HELZ: variants seen among roughly 807,000 people sequenced by gnomAD.
HELZ encodes the protein helicase with zinc finger.
HELZ carries 23 observed loss-of-function variants against 218.2 expected under a neutral mutation model. The observed-to-expected ratio is 0.11, with a 90% confidence interval of 0.08 to 0.15. HELZ has a LOEUF of 0.15. HELZ is among the 10% of genes least tolerant of loss of function. HELZ has a pLI of 1.00. For missense variants in HELZ, 1,813 were observed against 2,353.7 expected, an observed-to-expected ratio of 0.77 and a Z score of 4.75; for synonymous variants, 814 against 829.4, an observed-to-expected ratio of 0.98 and a Z score of 0.32.
chr17:67,140,160 G>A (rs1363300865), intron 21 of HELZ, among the ~76,000 whole-genome samples: 1 of 152,194 alleles, frequency 6.6e-6, no homozygotes, highest in East Asian at 1.9e-4. Context: ...CTTGGTAGCG[G>A]CACCAGCTGG....
intron 12 of HELZ, among the ~76,000 whole-genome samples, chr17:67,185,449 A>T (rs1358997634): frequency 6.6e-6 from 1 of 152,324 alleles, no homozygotes; most frequent in East Asian, 1.9e-4. Context: ...CGCAATAAAA[A>T]TTTCAAGAGT....
At chr17:67,203,522 C>T (rs1455827805) in intron 5 of HELZ, 79 bp from the exon 6 acceptor site, 3 of 1,518,438 alleles carry the variant, frequency 2.0e-6, no homozygotes, top group Admixed American at 1.9e-5. Context: ...AACACACTAT[C>T]ACAAGCGTGG....
Position 67,077,719 on chromosome 17 carries a change from C to CAAA in HELZ, c.*530_*532dup, listed in dbSNP as rs57572316. The stretch of plus-strand genomic sequence containing the variant: ...GTTTTAGAATGCAGCATCGTGTCAC[C>CAAA]AAAAAAAAAAAAAAAGCTGATAAAA... On this transcript the variant is annotated 3_prime_UTR_variant, in exon 33 of 33. Transcript: ENST00000358691. The CAAA allele has an allele frequency of 0.19, 24,782 of 131,550 alleles. 2,577 individuals are homozygous for CAAA. The highest frequency in any genetic ancestry group is 0.23 in the Non-Finnish European group (14,139 of 61,050). 8.1% of individuals were successfully genotyped at this position (131,550 alleles called of 1,614,324 possible).
At position 67,076,130 on chromosome 17, in the gene HELZ, T is replaced by C. The variant is rs1478323079; in HGVS notation, c.*2122A>G. The C allele has an allele frequency of 1.3e-5, 2 of 152,680 alleles. No homozygotes were observed. Among genetic ancestry groups the C allele is most frequent in the African/African-American group, 4.8e-5 (2 of 41,576 alleles). 9.5% of individuals were successfully genotyped at this position (152,680 alleles called of 1,614,324 possible). ...ACAATTCTGTCTTCATATTATCAGATTGCTTTTGAACATTTATCTAGCTTG... is the reference window on the plus strand; with the variant it reads ...ACAATTCTGTCTTCATATTATCAGACTGCTTTTGAACATTTATCTAGCTTG... On this transcript the variant is annotated 3_prime_UTR_variant, in exon 33 of 33. Coordinates refer to ENST00000358691, the MANE Select transcript of HELZ (RefSeq NM_014877.4).
chr17:67,136,472 G>C (rs533324244), intron 22 of HELZ, among the ~76,000 whole-genome samples: 1 of 152,324 alleles, frequency 6.6e-6, no homozygotes, highest in East Asian at 1.9e-4. Flanking sequence ...ACTGAAAGGA[G>C]TGACTCAAAC....
At chr17:67,230,840 CAG>C (rs1824002264) in intron 3 of HELZ, among the ~76,000 whole-genome samples, 1 of 152,040 alleles carries the variant, frequency 6.6e-6, no homozygotes, top group Non-Finnish European at 1.5e-5. Flanking sequence ...ATTTTCAAAT[CAG>C]ACTTTAAAAC....
Position 67,120,428 on chromosome 17 carries a change from T to G in HELZ, c.3815A>C (p.Asp1272Ala). 6.2e-7 allele frequency: 1 copy of G among 1,614,124 alleles called. No homozygotes were observed. The highest frequency in any genetic ancestry group is 8.5e-7 in the Non-Finnish European group (1 of 1,180,012). Residue 1272 changes from aspartate to alanine, a missense_variant, in exon 27 of 33, where the codon GAT becomes GCT. Physicochemically the swap from Asp to Ala is moderately radical, Grantham distance 126. Around this residue, in one of 4 missense-constraint regions of HELZ, gnomAD observed 938 missense variants for 1,027.5 expected, o/e 0.91. Coordinates refer to ENST00000358691, the MANE Select transcript of HELZ (RefSeq NM_014877.4). ...GQPQNQHQEK[D>A]QHEQNRNGKS... ...ACCATTTCGATTTTGCTCATGTTGA[T>G]CCTTCTCCTGATGCTGATTTTGTGG...
chr17:67,110,636 C>T (rs1040536824), intron 28 of HELZ, among the ~76,000 whole-genome samples: 3 of 152,134 alleles, frequency 2.0e-5, no homozygotes, highest in Admixed American at 6.5e-5. Flanking sequence ...CTAGTGCAGG[C>T]GTCTATATAC....
chr17:67,086,982 G>T lies in HELZ; in HGVS notation c.5341C>A (p.Leu1781Met). Residue 1781 changes from leucine to methionine, a missense_variant, in exon 32 of 33, where the codon CTG (leucine) becomes ATG (methionine). Leu to Met is a conservative substitution (Grantham distance 15). This residue lies in a region of HELZ where 938 missense variants were observed against 1,027.5 expected (regional missense o/e 0.91). Coordinates refer to ENST00000358691, the MANE Select transcript of HELZ (RefSeq NM_014877.4). ...SEEVSTPQDS[L>M]AQCKELQDHS... ...TCCTGAAGCTCTTTACACTGAGCCA[G>T]ACTGTCTTGAGGAGTGCTTACTTCT... 6.2e-7 allele frequency: 1 copy of T among 1,614,014 alleles called. No homozygotes were observed. The highest frequency in any genetic ancestry group is 8.5e-7 in the Non-Finnish European group (1 of 1,180,008).
chr17:67,173,838 C>T (rs1395503810), intron 13 of HELZ, among the ~76,000 whole-genome samples: 1 of 152,134 alleles, frequency 6.6e-6, no homozygotes, highest in African/African-American at 2.4e-5. Context: ...GAAGCAGCAC[C>T]CATCTAACGA....
At chr17:67,156,937 G>A (rs1284549432) in intron 17 of HELZ, among the ~76,000 whole-genome samples, 1 of 152,192 alleles carries the variant, frequency 6.6e-6, no homozygotes, top group Non-Finnish European at 1.5e-5. Flanking sequence ...AATCATGGCG[G>A]CAGATCCCTC....
At position 67,128,663 on chromosome 17, in the gene HELZ, T is replaced by C; in HGVS notation, c.3375A>G (p.Gln1125=). Residue 1125 remains glutamine, a synonymous_variant, in exon 24 of 33, where the codon CAA becomes CAG. Coordinates refer to ENST00000358691, the MANE Select transcript of HELZ (RefSeq NM_014877.4). ...QHSGSTNKQQ[Q]SPPKGKSLHH... is the part of the protein sequence containing the mutation. The stretch of plus-strand genomic sequence containing the variant: ...ACAGAGGCTTTACCTTGGGTGGTGA[T>C]TGCTGCTGTTTGTTGGTACTTCCTG... 3.7e-6 allele frequency: 6 copies of C among 1,614,006 alleles called. No individual in the cohort carries two copies. The highest frequency in any genetic ancestry group is 5.1e-6 in the Non-Finnish European group (6 of 1,179,890).
At chr17:67,191,958 C>T (rs1366597500) in intron 9 of HELZ, among the ~76,000 whole-genome samples, 13 of 151,774 alleles carry the variant, frequency 8.6e-5, no homozygotes, top group Admixed American at 2.0e-4. Flanking sequence ...AATCCCAGCA[C>T]TTTGGGAGGC....
chr17:67,178,211 AAAGCTGTTTTATT>A (rs2039512445), intron 13 of HELZ, among the ~76,000 whole-genome samples: 1 of 152,220 alleles, frequency 6.6e-6, no homozygotes, highest in Non-Finnish European at 1.5e-5. Context: ...AAACTGCTAT[AAAGCTGTTTTATT>A]AACCCGTTTT....
intron 3 of HELZ, among the ~76,000 whole-genome samples, chr17:67,220,992 T>A (rs1263774393): frequency 6.6e-6 from 1 of 152,160 alleles, no homozygotes; most frequent in Non-Finnish European, 1.5e-5. Flanking sequence ...ACAGTTGGTA[T>A]GCATGCCTGT....
intron 1 of HELZ, 63 bp downstream of exon 1, chr17:67,245,085 C>G: frequency 2.0e-6 from 2 of 984,878 alleles, no homozygotes; most frequent in Non-Finnish European, 1.2e-6. Flanking sequence ...GTCCCCTCCC[C>G]GGAGAGCTCC....
intron 13 of HELZ, among the ~76,000 whole-genome samples, chr17:67,170,669 A>C (rs2039282002): frequency 6.6e-6 from 1 of 152,024 alleles, no homozygotes; most frequent in Non-Finnish European, 1.5e-5. Flanking sequence ...TCTACTAAAA[A>C]CACAAAAATT....
chr17:67,125,717 T>C (rs997953091), intron 24 of HELZ, among the ~76,000 whole-genome samples: 6 of 152,144 alleles, frequency 3.9e-5, no homozygotes, highest in South Asian at 4.1e-4. Flanking sequence ...GAATATGTTA[T>C]GTGGCAAAAG....
chr17:67,086,891 G>A lies in HELZ; in HGVS notation c.5432C>T (p.Thr1811Ile), dbSNP rs2036410391. Residue 1811 changes from threonine (T) to isoleucine (I), a missense_variant, in exon 32 of 33, where the codon ACT becomes ATT. Coordinates refer to ENST00000358691, the MANE Select transcript of HELZ (RefSeq NM_014877.4). ...ATTGCACGGAATGTTCTGATAAGGA[G>A]TAGATGAGGTGGTGTTTACCCAGGA... ...PESWVNTTSSTPYQNIPCNGS... is the reference protein window; with the variant it reads ...PESWVNTTSSIPYQNIPCNGS... 1 of 1,613,612 alleles carries A rather than the reference G, an allele frequency of 6.2e-7. No individual in the cohort carries two copies. Among genetic ancestry groups the A allele is most frequent in the African/African-American group, 1.3e-5 (1 of 74,834 alleles).
Sources: gnomAD v4.1 joint callset for allele counts (sites outside exome capture counted in the v4.1 genomes callset) on GRCh38, gnomAD v4.1.1 for gene constraint, gnomAD v4.1.1 regional missense constraint, MANE v1.5 for transcripts, NCBI Gene and HGNC (gene_info 2026-07-23, HGNC 2026-07-21) for gene names.